Variants in JHY observed in about 807,000 individuals in gnomAD.
JHY encodes junctional cadherin complex regulator, also known as jhy protein homolog.
JHY carries 69 observed loss-of-function variants against 78.0 expected under a neutral mutation model. The observed-to-expected ratio is 0.88, with a 90% CI of 0.73 to 1.08. The LOEUF (loss-of-function observed/expected upper bound fraction) is 1.08. JHY is among the 50% of genes least tolerant of loss of function. The pLI, the probability that JHY is intolerant of heterozygous loss-of-function variation, is 0.00. For missense variants in JHY, 944 were observed against 927.8 expected, an observed-to-expected ratio of 1.02 and a Z score of -0.23; for synonymous variants, 368 against 342.6, an observed-to-expected ratio of 1.07 and a Z score of -0.82.
intron 5 of JHY, among the ~76,000 whole-genome samples, chr11:122,937,664 G>A (rs983941595): frequency 3.3e-5 from 5 of 152,050 alleles, no homozygotes; most frequent in African/African-American, 9.7e-5. Context: ...TTCTGACTGC[G>A]TTCCGCTGTT....
intron 1 of JHY, among the ~76,000 whole-genome samples, chr11:122,884,200 G>A (rs1862445560): frequency 6.6e-6 from 1 of 152,216 alleles, no homozygotes; most frequent in African/African-American, 2.4e-5. Context: ...CTCACTTCGT[G>A]TGTATTTACA....
chr11:122,959,242 G>C lies in JHY; in HGVS notation c.2140-6G>C, dbSNP rs183903995. 6.2e-7 allele frequency: 1 copy of C among 1,611,968 alleles called. No homozygotes were observed. Among genetic ancestry groups the C allele is most frequent in the South Asian group, 1.1e-5 (1 of 90,544 alleles). On this transcript the variant is annotated splice_polypyrimidine_tract_variant and splice_region_variant and intron_variant, in intron 8 of 8. Transcript: ENST00000227349. ...TTCAAATAAAATTTCATCTTTATGCGTTTAGGCTTTGGAATACGCTAAGAC... is the reference window on the plus strand; with the variant it reads ...TTCAAATAAAATTTCATCTTTATGCCTTTAGGCTTTGGAATACGCTAAGAC...
intron 8 of JHY, among the ~76,000 whole-genome samples, chr11:122,958,388 C>G (rs1273207419): frequency 6.6e-6 from 1 of 152,188 alleles, no homozygotes; most frequent in East Asian, 1.9e-4. Context: ...AGACCTCAAT[C>G]CACTTGATTG....
intron 3 of JHY, among the ~76,000 whole-genome samples, chr11:122,909,375 G>T (rs542278644): frequency 6.6e-6 from 1 of 152,256 alleles, no homozygotes; most frequent in East Asian, 1.9e-4. Context: ...GAGCCAGGTT[G>T]GTTGGCACTG....
chr11:122,890,374 C>T (rs1228648584), intron 2 of JHY, among the ~76,000 whole-genome samples: 2 of 152,114 alleles, frequency 1.3e-5, no homozygotes, highest in Non-Finnish European at 2.9e-5. Context: ...AGTGGTGGAG[C>T]AGAAAACTCA....
At chr11:122,912,809 A>T (rs1200571301) in intron 3 of JHY, among the ~76,000 whole-genome samples, 1 of 152,116 alleles carries the variant, frequency 6.6e-6, no homozygotes, top group African/African-American at 2.4e-5. Flanking sequence ...TCATCTATAT[A>T]TGGAGGAAGC....
At chr11:122,888,057 T>C (rs77072403) in intron 2 of JHY, among the ~76,000 whole-genome samples, 1 of 151,724 alleles carries the variant, frequency 6.6e-6, no homozygotes, top group Admixed American at 6.6e-5. Context: ...CTTCCCCCCC[T>C]TTTTTTCACT....
At chr11:122,894,107 G>T (rs1043626562) in intron 2 of JHY, among the ~76,000 whole-genome samples, 3 of 152,094 alleles carry the variant, frequency 2.0e-5, no homozygotes, top group Admixed American at 6.6e-5. Context: ...GATCATTTGA[G>T]GTCAGGAGTT....
rs778430988 is a variant in JHY at position 122,959,325 on chromosome 11, T to C, written c.2217T>C (p.Asn739=). The change falls in exon 9 of 9, where the codon AAT becomes AAC. Residue 739 remains asparagine (N), a synonymous_variant. Transcript: ENST00000227349. The part of the protein sequence containing the change: ...LTHQASKEQK[N]PTYAGKEESL... ...ATCAAGCATCAAAGGAACAAAAAAATCCAACCTATGCTGGGAAAGAAGAAA... is the reference window on the plus strand; with the variant it reads ...ATCAAGCATCAAAGGAACAAAAAAACCCAACCTATGCTGGGAAAGAAGAAA... The C allele has an allele frequency of 1.1e-5, 17 of 1,613,870 alleles. No homozygotes were observed. In the Admixed American group the frequency reaches 2.3e-4, roughly 22 times the overall value.
intron 3 of JHY, among the ~76,000 whole-genome samples, chr11:122,924,583 T>C (rs1467167918): frequency 6.6e-6 from 1 of 152,212 alleles, no homozygotes; most frequent in Admixed American, 6.5e-5. Flanking sequence ...GATCAAACGT[T>C]ACTTGCTGCA....
chr11:122,909,650 G>A (rs1863072300), intron 3 of JHY, among the ~76,000 whole-genome samples: 1 of 152,122 alleles, frequency 6.6e-6, no homozygotes, highest in South Asian at 2.1e-4. Flanking sequence ...ATGGTGGTGT[G>A]TGCCTGTAAT....
rs768190302 is a variant in JHY, at chr11:122,904,288, C to T, written c.708C>T (p.Asn236=). ...SPYVKSSSSH[N]EVFLPGSRGP... ...ACGTGAAGAGCTCAAGTTCACATAACGAGGTTTTCCTGCCGGGATCACGTG... is the reference window on the plus strand; with the variant it reads ...ACGTGAAGAGCTCAAGTTCACATAATGAGGTTTTCCTGCCGGGATCACGTG... Residue 236 remains asparagine (N), a synonymous_variant, in exon 3 of 9, where the codon AAC becomes AAT. Coordinates refer to ENST00000227349, the MANE Select transcript of JHY (RefSeq NM_024806.4). 3.1e-6 allele frequency: 5 copies of T among 1,614,122 alleles called. No homozygotes were observed. Among genetic ancestry groups the T allele is most frequent in the Admixed American group, 1.7e-5 (1 of 60,018 alleles).
At chr11:122,954,684 G>A (rs532839411) in intron 6 of JHY, among the ~76,000 whole-genome samples, 103 of 152,264 alleles carry the variant, frequency 6.8e-4, no homozygotes, top group African/African-American at 2.1e-3. Context: ...TTGGGAGGCC[G>A]AGGTGGGTGG....
intron 4 of JHY, among the ~76,000 whole-genome samples, chr11:122,927,891 C>T (rs1863545784): frequency 6.6e-6 from 1 of 151,924 alleles, no homozygotes; most frequent in Admixed American, 6.6e-5. Flanking sequence ...CCACCACGCC[C>T]AGCTAATTTT....
At chr11:122,907,137 A>G (rs1863009346) in intron 3 of JHY, among the ~76,000 whole-genome samples, 2 of 152,170 alleles carry the variant, frequency 1.3e-5, no homozygotes, top group South Asian at 4.1e-4. Context: ...ATAGGTGTGC[A>G]TCACTGACCT....
intron 3 of JHY, among the ~76,000 whole-genome samples, chr11:122,922,497 C>A (rs1863388538): frequency 6.6e-6 from 1 of 152,084 alleles, no homozygotes; most frequent in Admixed American, 6.6e-5. Flanking sequence ...TTATTGAATA[C>A]AAGTCTGAAG....
At chr11:122,915,037 G>T (rs1398059416) in intron 3 of JHY, among the ~76,000 whole-genome samples, 2 of 151,856 alleles carry the variant, frequency 1.3e-5, no homozygotes, top group Non-Finnish European at 2.9e-5. Flanking sequence ...TTATTGAAGA[G>T]GGATCCATAA....
intron 4 of JHY, among the ~76,000 whole-genome samples, chr11:122,931,625 A>G (rs1863638428): frequency 6.6e-6 from 1 of 152,166 alleles, no homozygotes; most frequent in Non-Finnish European, 1.5e-5. Flanking sequence ...AACACAACAG[A>G]CATGTCTTCA....
intron 3 of JHY, chr11:122,905,298 A>G: frequency 6.2e-7 from 1 of 1,610,368 alleles, no homozygotes; most frequent in Non-Finnish European, 8.5e-7. Flanking sequence ...ATGTCCAGGG[A>G]TACAGGACAA....
Sources: gnomAD v4.1 joint callset for allele counts (sites outside exome capture counted in the v4.1 genomes callset) on GRCh38, gnomAD v4.1.1 for gene constraint, MANE v1.5 for transcripts, NCBI Gene and HGNC (gene_info 2026-07-23, HGNC 2026-07-21) for gene names.